The following PINX1 variants were observed in gnomAD, a reference collection of about 807,000 sequenced individuals.
The protein encoded by PINX1 is PIN2 (TERF1) interacting telomerase inhibitor 1, also known as PIN2/TERF1-interacting telomerase inhibitor 1.
A neutral mutation model predicts 25.4 loss-of-function variants in PINX1; 34 were observed. That is an observed-to-expected ratio of 1.34 (90% confidence interval 1.02 to 1.78). PINX1 has a LOEUF of 1.78. Among genes scored for constraint, PINX1 ranks in the 40% most tolerant of loss-of-function variants. The pLI, the probability that PINX1 is intolerant of heterozygous loss-of-function variation, is 0.00. For missense variants in PINX1, 592 were observed against 404.9 expected (o/e 1.46, Z -3.97); for synonymous variants, 197 against 147.7 (o/e 1.33, Z -2.42).
chr8:10,791,238 C>T (rs766757052), intron 6 of PINX1, among the ~76,000 whole-genome samples: 4 of 152,148 alleles, frequency 2.6e-5, no homozygotes, highest in Non-Finnish European at 5.9e-5. Context: ...AGATCCTCAG[C>T]TTATTTTTCA....
intron 6 of PINX1, among the ~76,000 whole-genome samples, chr8:10,790,576 A>G (rs73546269): frequency 0.13 from 20,315 of 151,892 alleles, 2,234 homozygotes; most frequent in African/African-American, 0.3. Context: ...TCAGCCCCCA[A>G]TCCCAGGGCC....
At chr8:10,818,473 G>T (rs1010371755) in intron 6 of PINX1, among the ~76,000 whole-genome samples, 8 of 152,140 alleles carry the variant, frequency 5.3e-5, no homozygotes, top group African/African-American at 1.9e-4. Flanking sequence ...AGAGCTTTCT[G>T]CACCAAACAC....
At position 10,832,893 on chromosome 8, in the gene PINX1, T is replaced by A. The variant is rs749465378; in HGVS notation, c.221A>T (p.Glu74Val). ...CAGGAGGCACACACTGCTGCTCACT[T>A]CATTATTGATGGTAGCTCCGAGTCC... Reference protein sequence around the residue: ...HLGLGATINNEDNWIAHQDDF... With the variant: ...HLGLGATINNVDNWIAHQDDF... The change falls in exon 3 of 7, where the codon GAA (glutamate) becomes GTA (valine). Residue 74 changes from glutamate (E) to valine (V), a missense_variant and splice_region_variant. Glu to Val is a moderately radical substitution (Grantham distance 121). Coordinates refer to ENST00000314787, the MANE Select transcript of PINX1 (RefSeq NM_017884.6). 16 of 1,596,220 alleles carry A rather than the reference T, an allele frequency of 1.0e-5. No individual in the cohort carries two copies. The South Asian group carries it at 1.6e-4, about 16-fold the overall frequency.
At chr8:10,813,751 G>C (rs1286706979) in intron 6 of PINX1, among the ~76,000 whole-genome samples, 1 of 152,118 alleles carries the variant, frequency 6.6e-6, no homozygotes, top group Non-Finnish European at 1.5e-5. Context: ...GCCCATGCCA[G>C]AAGCATGCTA....
chr8:10,811,993 A>G (rs1797538267), intron 6 of PINX1, among the ~76,000 whole-genome samples: 1 of 152,142 alleles, frequency 6.6e-6, no homozygotes. Flanking sequence ...GGAAAACAGA[A>G]TCTGCTACAC....
chr8:10,828,419 C>A (rs1285208968), intron 4 of PINX1, among the ~76,000 whole-genome samples: 1 of 152,196 alleles, frequency 6.6e-6, no homozygotes, highest in Non-Finnish European at 1.5e-5. Flanking sequence ...TTCCTTCCCA[C>A]AGCCACTCCA....
intron 5 of PINX1, among the ~76,000 whole-genome samples, chr8:10,821,702 T>A (rs896558334): frequency 6.6e-6 from 1 of 152,212 alleles, no homozygotes; most frequent in Non-Finnish European, 1.5e-5. Flanking sequence ...ACAACCCATT[T>A]TCCAATGCAA....
chr8:10,798,256 G>A (rs1281930681), intron 6 of PINX1, among the ~76,000 whole-genome samples: 1 of 152,220 alleles, frequency 6.6e-6, no homozygotes, highest in Non-Finnish European at 1.5e-5. Flanking sequence ...GTGCGTGTAT[G>A]CATACTCACA....
At chr8:10,828,877 C>T (rs1322054578) in intron 4 of PINX1, among the ~76,000 whole-genome samples, 1 of 152,178 alleles carries the variant, frequency 6.6e-6, no homozygotes, top group Non-Finnish European at 1.5e-5. Context: ...GCAGCTGGCC[C>T]GGCCCTCACA....
At position 10,818,831 on chromosome 8, in the gene PINX1, C is replaced by G. The variant is rs77192658; in HGVS notation, c.471+1362G>C. Among the ~76,000 whole-genome samples the G allele has an allele frequency of 2.4e-3, 361 of 152,188 alleles. 2 individuals are homozygous for G. The highest frequency in any genetic ancestry group is 8.5e-3 in the African/African-American group (352 of 41,514). The stretch of plus-strand genomic sequence containing the variant: ...GGAATTCTAGTTCTTCCTGAGGACA[C>G]GGAGACGACTGAGAGAGTCAAGGAA... On this transcript the variant is annotated intron_variant, in intron 6 of 6. Transcript: ENST00000314787.
intron 6 of PINX1, among the ~76,000 whole-genome samples, chr8:10,777,493 T>C (rs1041305330): frequency 6.6e-5 from 10 of 152,212 alleles, no homozygotes; most frequent in African/African-American, 2.2e-4. Context: ...TTCCTGCCAC[T>C]TTCCAGAGCA....
At chr8:10,831,226 TAA>T (rs757400845) in intron 4 of PINX1, among the ~76,000 whole-genome samples, 5 of 152,184 alleles carry the variant, frequency 3.3e-5, no homozygotes, top group Non-Finnish European at 5.9e-5. Flanking sequence ...ATGGAAAAGC[TAA>T]AAGAGTTGAG....
intron 4 of PINX1, among the ~76,000 whole-genome samples, chr8:10,830,211 A>G (rs1798186289): frequency 6.6e-6 from 1 of 152,248 alleles, no homozygotes; most frequent in Non-Finnish European, 1.5e-5. Flanking sequence ...GGTTATTTCA[A>G]AATCATGATC....
intron 6 of PINX1, among the ~76,000 whole-genome samples, chr8:10,774,876 A>C (rs1256044528): frequency 6.6e-6 from 1 of 152,228 alleles, no homozygotes; most frequent in Non-Finnish European, 1.5e-5. Context: ...AAGATACCGA[A>C]ATTAGTAAGA....
intron 6 of PINX1, among the ~76,000 whole-genome samples, chr8:10,785,464 G>A (rs1370205289): frequency 2.6e-5 from 4 of 152,098 alleles, no homozygotes; most frequent in African/African-American, 9.7e-5. Context: ...AACTCCTAAG[G>A]CACAGGAAAA....
intron 6 of PINX1, among the ~76,000 whole-genome samples, chr8:10,804,017 G>C (rs1802355591): frequency 6.6e-6 from 1 of 151,164 alleles, no homozygotes; most frequent in South Asian, 2.1e-4. Context: ...AACTCATATA[G>C]TTACCTAGTT....
chr8:10,769,440 G>A (rs754222715), intron 6 of PINX1, among the ~76,000 whole-genome samples: 1 of 152,160 alleles, frequency 6.6e-6, no homozygotes, highest in South Asian at 2.1e-4. Context: ...CAATCAATAA[G>A]TACTTGTGGC....
chr8:10,822,863 A>G (rs1263646391), intron 5 of PINX1, among the ~76,000 whole-genome samples: 1 of 152,268 alleles, frequency 6.6e-6, no homozygotes, highest in Non-Finnish European at 1.5e-5. Context: ...AAATAAAAAA[A>G]CACTTAAGGT....
chr8:10,770,201 T>A (rs1801180815), intron 6 of PINX1, among the ~76,000 whole-genome samples: 1 of 152,160 alleles, frequency 6.6e-6, no homozygotes, highest in African/African-American at 2.4e-5. Context: ...ACACTGCCAA[T>A]ATGGAAAGGT....
Sources: gnomAD v4.1 joint callset for allele counts (sites outside exome capture counted in the v4.1 genomes callset) on GRCh38, gnomAD v4.1.1 for gene constraint, MANE v1.5 for transcripts, NCBI Gene and HGNC (gene_info 2026-07-23, HGNC 2026-07-21) for gene names.